The following NEK7 variants were observed in gnomAD, a reference collection of about 807,000 sequenced individuals.
The protein encoded by NEK7 is NIMA related kinase 7, also known as serine/threonine-protein kinase Nek7.
A neutral mutation model predicts 44.6 loss-of-function variants in NEK7; 18 were observed. The ratio of observed to expected loss-of-function variants is 0.40; its 90% CI spans 0.28 to 0.60. The LOEUF is 0.60. Ranked by LOEUF, NEK7 falls within the 20% of genes least tolerant of loss-of-function variation. The pLI is 0.38. For synonymous variants in NEK7, 130 were observed against 121.1 expected, an observed-to-expected ratio of 1.07 and a Z score of -0.48; for missense variants, 256 against 366.5, an observed-to-expected ratio of 0.70 and a Z score of 2.46.
intron 3 of NEK7, among the ~76,000 whole-genome samples, chr1:198,258,231 G>A (rs935044176): frequency 1.3e-5 from 2 of 152,170 alleles, no homozygotes; most frequent in Non-Finnish European, 2.9e-5. Context: ...ACGAAGTCAA[G>A]AGATCAAGAC....
In NEK7 at chr1:198,216,073, T is replaced by C. The variant is rs550553846; in HGVS notation, c.-28-16480T>C. Among the ~76,000 whole-genome samples the C allele has an allele frequency of 7.2e-5, 11 of 152,172 alleles. 2 individuals carry two copies. The South Asian group carries it at 2.1e-3, about 29-fold the overall frequency. ...CAAATGAACCTGCACCGTAAACAAA[T>C]GAACCTAATAGATATTCACGGAACA... On this transcript the variant is annotated intron_variant, in intron 1 of 9. Transcript: ENST00000367385.
rs977072973 is a variant in NEK7, at chr1:198,262,589, G to T, written c.213G>T (p.Met71Ile). 1 of 1,590,464 alleles carries T rather than the reference G, an allele frequency of 6.3e-7. No homozygotes were observed. The stretch of plus-strand genomic sequence containing the variant: ...TCTGTTTTTAGATATTTGATTTAAT[G>T]GATGCCAAAGCACGTGCTGATTGCA... ...ALKKVQIFDL[M>I]DAKARADCIK... is the part of the protein sequence containing the mutation. The change falls in exon 4 of 10, where the codon ATG becomes ATT. Residue 71 changes from methionine (M) to isoleucine (I), a missense_variant. By Grantham distance (10) the Met-to-Ile change is conservative (BLOSUM62 1). Around this residue, in one of 3 missense-constraint regions of NEK7, gnomAD observed 96 missense variants for 94.9 expected, o/e 1.01. Coordinates refer to ENST00000367385, the MANE Select transcript of NEK7 (RefSeq NM_133494.3).
intron 1 of NEK7, among the ~76,000 whole-genome samples, chr1:198,177,441 ATTAC>A (rs1315172003): frequency 1.3e-5 from 2 of 152,126 alleles, no homozygotes; most frequent in Non-Finnish European, 2.9e-5. Context: ...TGGCAATAGA[ATTAC>A]TTTTTTTATT....
chr1:198,267,802 C>G (rs1420845170), intron 5 of NEK7, among the ~76,000 whole-genome samples: 2 of 151,994 alleles, frequency 1.3e-5, no homozygotes, highest in African/African-American at 4.8e-5. Context: ...CTACCACCCT[C>G]ACCTCTGCCT....
chr1:198,309,468 T>C (rs1304600107), intron 9 of NEK7, among the ~76,000 whole-genome samples: 4 of 152,030 alleles, frequency 2.6e-5, no homozygotes, highest in Non-Finnish European at 5.9e-5. Flanking sequence ...TTATTATACT[T>C]TAAGTTTTAG....
intron 1 of NEK7, among the ~76,000 whole-genome samples, chr1:198,162,336 C>A (rs993155017): frequency 1.3e-5 from 2 of 152,172 alleles, no homozygotes; most frequent in African/African-American, 2.4e-5. Context: ...CAGCTACAAG[C>A]AGTCTCTTCT....
At position 198,321,608 on chromosome 1, in the gene NEK7, G is replaced by A. The variant is rs542919260; in HGVS notation, c.*2086G>A. 6.6e-6 allele frequency: 1 copy of A among 152,118 alleles called. No individual in the cohort carries two copies. Among genetic ancestry groups the A allele is most frequent in the African/African-American group, 2.4e-5 (1 of 41,524 alleles). The allele number at this position is 152,118 out of a possible 1,614,324, so 9.4% of individuals were successfully genotyped here. On this transcript the variant is annotated 3_prime_UTR_variant, in exon 10 of 10. Coordinates refer to ENST00000367385, the MANE Select transcript of NEK7 (RefSeq NM_133494.3). ...ATATATCTGCTAGAAGGAAATAGCT[G>A]GGAAGAATTTAATGATCAGGGAAAT...
chr1:198,180,859 T>C (rs1381167433), intron 1 of NEK7, among the ~76,000 whole-genome samples: 1 of 152,130 alleles, frequency 6.6e-6, no homozygotes. Context: ...ACACATTTTT[T>C]AATGTTGATT....
chr1:198,230,079 C>A lies in NEK7; in HGVS notation c.-28-2474C>A, dbSNP rs1229987963. On this transcript the variant is annotated intron_variant, in intron 1 of 9. Transcript: ENST00000367385. ...TTACTAATTGCAGGCCTGCTTGGAT[C>A]TTTTACTGTGCTATTCACTATGACT... 1.3e-5 allele frequency among the ~76,000 whole-genome samples: 2 copies of A among 152,156 alleles called. 1 individual carries two copies. Among genetic ancestry groups the A allele is most frequent in the Non-Finnish European group, 2.9e-5 (2 of 68,026 alleles).
intron 9 of NEK7, among the ~76,000 whole-genome samples, chr1:198,309,126 A>G (rs1260377927): frequency 6.6e-6 from 1 of 152,188 alleles, no homozygotes; most frequent in Non-Finnish European, 1.5e-5. Context: ...GTTAAGTTCC[A>G]CGTAGCAAAC....
chr1:198,219,193 T>A (rs575340998), intron 1 of NEK7, among the ~76,000 whole-genome samples: 1 of 151,378 alleles, frequency 6.6e-6, no homozygotes, highest in East Asian at 1.9e-4. Flanking sequence ...ATAAAGAAAA[T>A]ATTGGTGTGT....
intron 7 of NEK7, among the ~76,000 whole-genome samples, chr1:198,292,421 CT>C (rs1168348013): frequency 1.3e-5 from 2 of 151,884 alleles, no homozygotes; most frequent in Non-Finnish European, 2.9e-5. Flanking sequence ...CTGTGGTATT[CT>C]TTCTAAAGTG....
chr1:198,303,032 C>T (rs200952362), intron 9 of NEK7, among the ~76,000 whole-genome samples: 2 of 152,132 alleles, frequency 1.3e-5, no homozygotes, highest in East Asian at 1.9e-4. Flanking sequence ...GAATCTCCTT[C>T]CCTAGAAGCA....
rs1319712663 is a variant in NEK7 at position 198,319,940 on chromosome 1, A to G, written c.*418A>G. ...CTTTTTTAGTAATTTATGGACATTG[A>G]GATGAACACAATTGTGAACTTTTGT... is the stretch of plus-strand genomic sequence containing the variant. On this transcript the variant is annotated 3_prime_UTR_variant, in exon 10 of 10. Coordinates refer to ENST00000367385, the MANE Select transcript of NEK7 (RefSeq NM_133494.3). The G allele has an allele frequency of 6.5e-6, 1 of 153,216 alleles. No homozygotes were observed. The highest frequency in any genetic ancestry group is 2.4e-5 in the African/African-American group (1 of 41,480). The allele number at this position is 153,216 out of a possible 1,614,324, so 9.5% of individuals were successfully genotyped here. A position where few individuals can be genotyped will look rare whatever the true frequency, so the allele number is the denominator to read the frequency against.
intron 2 of NEK7, among the ~76,000 whole-genome samples, chr1:198,235,444 T>C (rs1666521796): frequency 6.6e-6 from 1 of 152,184 alleles, no homozygotes; most frequent in Non-Finnish European, 1.5e-5. Flanking sequence ...TGAAAGGATA[T>C]TTTGACTAGA....
intron 1 of NEK7, among the ~76,000 whole-genome samples, chr1:198,210,909 C>T (rs1267655227): frequency 5.3e-5 from 8 of 151,440 alleles, no homozygotes; most frequent in African/African-American, 9.7e-5. Flanking sequence ...CCCGCCACTA[C>T]GCCCGGCTAA....
In NEK7 at chr1:198,301,813, T is replaced by C. The variant is rs531336558; in HGVS notation, c.798+4573T>C. Among the ~76,000 whole-genome samples, 7 of 152,362 alleles carry C rather than the reference T, an allele frequency of 4.6e-5. No homozygotes were observed. The South Asian group carries it at 1.4e-3, about 32-fold the overall frequency. On this transcript the variant is annotated intron_variant, in intron 9 of 9. Coordinates refer to ENST00000367385, the MANE Select transcript of NEK7 (RefSeq NM_133494.3). The stretch of plus-strand genomic sequence containing the variant: ...GACGGTTAAAATGTTTTTAATAAAG[T>C]AGACTATTATTACAATAGTGCTTGC...
chr1:198,310,251 A>G (rs974167688), intron 9 of NEK7, among the ~76,000 whole-genome samples: 1 of 152,124 alleles, frequency 6.6e-6, no homozygotes, highest in Non-Finnish European at 1.5e-5. Context: ...TCTTTTGAGA[A>G]GTGTCTGTTC....
chr1:198,172,038 AT>A (rs1664464380), intron 1 of NEK7, among the ~76,000 whole-genome samples: 1 of 152,208 alleles, frequency 6.6e-6, no homozygotes, highest in Non-Finnish European at 1.5e-5. Flanking sequence ...AGCTATCGGA[AT>A]TGCCTTAGTT....
Sources: allele counts gnomAD v4.1 joint callset (sites outside exome capture counted in the v4.1 genomes callset), GRCh38; gene constraint gnomAD v4.1.1; regional missense constraint gnomAD v4.1.1; transcripts MANE v1.5; gene names NCBI Gene and HGNC (gene_info 2026-07-23, HGNC 2026-07-21).